Variants in MYO1B observed in about 807,000 individuals in gnomAD.
MYO1B encodes unconventional myosin-Ib.
Under a neutral mutation model 159.7 loss-of-function variants are expected in MYO1B, and 72 were observed. The observed-to-expected ratio is 0.45, with a 90% CI of 0.37 to 0.55. The LOEUF is 0.55. Among genes scored for constraint, MYO1B ranks in the 20% least tolerant of loss-of-function variants. MYO1B has a pLI of 0.00. For missense variants in MYO1B, 1,062 were observed against 1,364.8 expected, an observed-to-expected ratio of 0.78 and a Z score of 3.50; for synonymous variants, 468 against 473.8, an observed-to-expected ratio of 0.99 and a Z score of 0.16.
intron 13 of MYO1B, among the ~76,000 whole-genome samples, chr2:191,373,448 A>G (rs945511741): frequency 2.0e-5 from 3 of 152,160 alleles, no homozygotes; most frequent in African/African-American, 7.2e-5. Flanking sequence ...CTGCTTGGCC[A>G]CTGTATGAAA....
chr2:191,258,694 A>G (rs143957510), intron 1 of MYO1B, among the ~76,000 whole-genome samples: 3 of 152,316 alleles, frequency 2.0e-5, no homozygotes, highest in Non-Finnish European at 2.9e-5. Flanking sequence ...TGATGTTGGC[A>G]TGACCTTGTA....
rs1290894849 is a variant in MYO1B at position 191,370,075 on chromosome 2, C to G, written c.1120-152C>G. The G allele has an allele frequency of 6.8e-6, 4 of 586,142 alleles. No homozygotes were observed. In the East Asian group the frequency reaches 1.2e-4, roughly 17 times the overall value. 36.3% of individuals were successfully genotyped at this position (586,142 alleles called of 1,614,324 possible). A position where few individuals can be genotyped will look rare whatever the true frequency, so the allele number is the denominator to read the frequency against. On this transcript the variant is annotated intron_variant, in intron 12 of 30. Transcript: ENST00000392318. ...TTCTAAAAGAGTTCTATACCAATGC[C>G]TCATCTCATACATTTTTTAAAAAAC... is the stretch of plus-strand genomic sequence containing the variant.
At chr2:191,310,269 C>T (rs1478412109) in intron 3 of MYO1B, among the ~76,000 whole-genome samples, 1 of 152,162 alleles carries the variant, frequency 6.6e-6, no homozygotes. Flanking sequence ...GTGGCGCAAT[C>T]TTGGCTTGCT....
intron 1 of MYO1B, among the ~76,000 whole-genome samples, chr2:191,259,737 T>C (rs1478803196): frequency 6.6e-6 from 1 of 152,122 alleles, no homozygotes; most frequent in Non-Finnish European, 1.5e-5. Flanking sequence ...AGGTAATGGA[T>C]GGAGTGACTT....
At chr2:191,261,648 CTG>C (rs1686817523) in intron 1 of MYO1B, among the ~76,000 whole-genome samples, 1 of 152,144 alleles carries the variant, frequency 6.6e-6, no homozygotes, top group Non-Finnish European at 1.5e-5. Context: ...GGCTATATGC[CTG>C]AATTCAGCAA....
chr2:191,397,274 A>AG (rs1696173529), intron 21 of MYO1B, among the ~76,000 whole-genome samples: 2 of 147,192 alleles, frequency 1.4e-5, no homozygotes, highest in South Asian at 4.5e-4. Context: ...ACAATAGTGG[A>AG]GGGAAGGTCA....
At chr2:191,416,697 C>T (rs1452400614) in intron 30 of MYO1B, among the ~76,000 whole-genome samples, 3 of 151,928 alleles carry the variant, frequency 2.0e-5, no homozygotes, top group Non-Finnish European at 2.9e-5. Context: ...GCATGTAATC[C>T]CAGCTACTCA....
At chr2:191,326,938 T>C (rs1691137585) in intron 3 of MYO1B, among the ~76,000 whole-genome samples, 1 of 152,174 alleles carries the variant, frequency 6.6e-6, no homozygotes, top group Non-Finnish European at 1.5e-5. Flanking sequence ...CAACAATACA[T>C]GAAGAATTCA....
chr2:191,363,582 C>G, intron 9 of MYO1B, 146 bp from the exon 10 acceptor site: 1 of 1,107,124 alleles, frequency 9.0e-7, no homozygotes, highest in Non-Finnish European at 1.2e-6. Flanking sequence ...CAGGGTTCCT[C>G]GAATCACAGT....
chr2:191,422,676 G>C (rs1698016528), intron 30 of MYO1B, among the ~76,000 whole-genome samples: 1 of 152,124 alleles, frequency 6.6e-6, no homozygotes, highest in Non-Finnish European at 1.5e-5. Context: ...ATAGCTATTA[G>C]CATACTATGC....
chr2:191,245,631 C>A lies in MYO1B; in HGVS notation c.-10+5C>A, dbSNP rs1402769900. ...GGCGAGGTAGCGCCAGGCGAGGTAG[C>A]GCGAGCGCTTTCTCTCTCTCTCCCC... On this transcript the variant is annotated splice_donor_5th_base_variant and intron_variant, in intron 1 of 30. Coordinates refer to ENST00000392318, the MANE Select transcript of MYO1B (RefSeq NM_001130158.3). The A allele has an allele frequency of 6.6e-6, 1 of 152,130 alleles. No individual in the cohort carries two copies. Among genetic ancestry groups the A allele is most frequent in the East Asian group, 1.9e-4 (1 of 5,146 alleles). 9.4% of individuals were successfully genotyped at this position (152,130 alleles called of 1,614,324 possible).
chr2:191,344,829 CAAAA>C (rs10646926), intron 5 of MYO1B, among the ~76,000 whole-genome samples: 4 of 56,158 alleles, frequency 7.1e-5, no homozygotes, highest in African/African-American at 2.1e-4. Context: ...GACTCCGTCT[CAAAA>C]AAAAAAAAAA....
At chr2:191,248,058 A>C in intron 1 of MYO1B, 1 of 981,870 alleles carries the variant, frequency 1.0e-6, no homozygotes, top group Non-Finnish European at 1.2e-6. Flanking sequence ...TGTAGCATCC[A>C]TGTTTTTAGC....
At chr2:191,386,631 T>C (rs1054272717) in intron 16 of MYO1B, among the ~76,000 whole-genome samples, 9 of 152,258 alleles carry the variant, frequency 5.9e-5, no homozygotes, top group Admixed American at 4.6e-4. Flanking sequence ...AGAATATTGA[T>C]TAGAGCTAAT....
At chr2:191,269,929 G>T (rs1381264674) in intron 1 of MYO1B, among the ~76,000 whole-genome samples, 2 of 152,116 alleles carry the variant, frequency 1.3e-5, no homozygotes, top group South Asian at 2.1e-4. Flanking sequence ...TTTATATTTT[G>T]GTGTGGGATG....
intron 13 of MYO1B, among the ~76,000 whole-genome samples, chr2:191,380,483 G>A (rs1278451542): frequency 1.3e-5 from 2 of 152,146 alleles, no homozygotes; most frequent in East Asian, 3.8e-4. Flanking sequence ...CCATCTTTGG[G>A]CGATAAAGAA....
intron 4 of MYO1B, 111 bp downstream of exon 4, chr2:191,330,140 G>A: frequency 1.2e-6 from 1 of 819,242 alleles, no homozygotes; most frequent in South Asian, 1.8e-5. Flanking sequence ...GCCACTGTGA[G>A]GGTGCTTCTG....
intron 1 of MYO1B, among the ~76,000 whole-genome samples, chr2:191,248,749 G>C (rs1043430115): frequency 6.6e-6 from 1 of 152,168 alleles, no homozygotes; most frequent in African/African-American, 2.4e-5. Flanking sequence ...TGGTGGAAGT[G>C]CGATTGGGGA....
intron 3 of MYO1B, among the ~76,000 whole-genome samples, chr2:191,296,686 A>T (rs1018887302): frequency 3.3e-5 from 5 of 152,194 alleles, no homozygotes; most frequent in Non-Finnish European, 7.3e-5. Context: ...GATGCGTGGG[A>T]TAGGCCAGTG....
Sources: gnomAD v4.1 joint callset for allele counts (sites outside exome capture counted in the v4.1 genomes callset) on GRCh38, gnomAD v4.1.1 for gene constraint, MANE v1.5 for transcripts, NCBI Gene and HGNC (gene_info 2026-07-23, HGNC 2026-07-21) for gene names.